Variants in MTMR10 observed in about 807,000 individuals in gnomAD.
The protein encoded by MTMR10 is myotubularin related protein 10.
Under a neutral mutation model 88.1 loss-of-function variants are expected in MTMR10, and 56 were observed. The observed-to-expected ratio is 0.64, with a 90% CI of 0.51 to 0.79. MTMR10 has a LOEUF of 0.79. Among genes scored for constraint, MTMR10 ranks in the 30% least tolerant of loss-of-function variants. MTMR10 has a pLI of 0.00. For missense variants in MTMR10, 883 were observed against 924.7 expected, an observed-to-expected ratio of 0.95 and a Z score of 0.58; for synonymous variants, 380 against 340.9, an observed-to-expected ratio of 1.11 and a Z score of -1.26.
intron 7 of MTMR10, 103 bp from the exon 8 acceptor site, chr15:30,959,224 T>C: frequency 9.7e-7 from 1 of 1,027,858 alleles, no homozygotes; most frequent in Admixed American, 2.5e-5. Flanking sequence ...GCATTTAATG[T>C]GCACCCCACT....
the MTMR10 span, chr15:30,929,526 GAT>G: frequency 3.0e-6 from 1 of 337,524 alleles, no homozygotes; most frequent in East Asian, 6.3e-5. Flanking sequence ...GCATATATAT[GAT>G]ATATAGTATA....
intron 2 of MTMR10, among the ~76,000 whole-genome samples, chr15:30,987,738 TG>T (rs2031037053): frequency 6.6e-6 from 1 of 152,030 alleles, no homozygotes; most frequent in South Asian, 2.1e-4. Context: ...TGTGCAGGTT[TG>T]TTACATAGGT....
intron 14 of MTMR10, among the ~76,000 whole-genome samples, chr15:30,944,547 T>C (rs377650966): frequency 1.5e-5 from 2 of 136,294 alleles, no homozygotes; most frequent in African/African-American, 2.8e-5. Context: ...GCCTGGGTGA[T>C]AGAGCAAGAC....
At position 30,941,698 on chromosome 15, in the gene MTMR10, G is replaced by T; in HGVS notation, c.2106C>A (p.Gly702=). 6.2e-7 allele frequency: 1 copy of T among 1,613,840 alleles called. No individual in the cohort carries two copies. The highest frequency in any genetic ancestry group is 2.2e-5 in the East Asian group (1 of 44,884). ...GCTCCCCATAGCAGGCCTCCAGGGG[G>T]CCACTGCGCTGTTGCCGCAGCATCC... ...LSRMLRQQRS[G]PLEACYGELG... is the part of the protein sequence containing the mutation. The change falls in exon 16 of 16, where the codon GGC becomes GGA. Residue 702 remains glycine, a synonymous_variant. Transcript: ENST00000435680.
intron 2 of MTMR10, among the ~76,000 whole-genome samples, chr15:30,981,667 A>G (rs1478787891): frequency 1.3e-5 from 2 of 152,220 alleles, no homozygotes; most frequent in Admixed American, 6.5e-5. Flanking sequence ...TTTTAAGTCA[A>G]TTTGATGATG....
chr15:30,919,529 A>G, the MTMR10 span, among the ~76,000 whole-genome samples: 6 of 151,856 alleles, frequency 4.0e-5, no homozygotes, highest in Non-Finnish European at 7.4e-5. Flanking sequence ...CGTCTCTACT[A>G]AAAATACAAA....
At position 30,940,414 on chromosome 15, in the gene MTMR10, T is replaced by A. The variant is rs55896057; in HGVS notation, c.*1056A>T. On this transcript the variant is annotated 3_prime_UTR_variant, in exon 16 of 16. Coordinates refer to ENST00000435680, the MANE Select transcript of MTMR10 (RefSeq NM_017762.3). ...AGTGTTTTGAGAGAATCCATTTTTT[T>A]ATTTCTCCTCTATTCCTAAGCATTA... The A allele has an allele frequency of 5.3e-3, 5,250 of 985,394 alleles. 210 individuals are homozygous for A. The African/African-American group carries it at 0.084, about 16-fold the overall frequency. The allele number at this position is 985,394 out of a possible 1,614,324, so 61.0% of individuals were successfully genotyped here.
rs2062984620 is a variant in MTMR10 at position 30,940,002 on chromosome 15, A to G, written c.*1468T>C. The G allele has an allele frequency of 2.0e-6, 2 of 976,842 alleles. No homozygotes were observed. Among genetic ancestry groups the G allele is most frequent in the South Asian group, 9.5e-5 (2 of 21,102 alleles). The allele number at this position is 976,842 out of a possible 1,614,324, so 60.5% of individuals were successfully genotyped here. On this transcript the variant is annotated 3_prime_UTR_variant, in exon 16 of 16. Coordinates refer to ENST00000435680, the MANE Select transcript of MTMR10 (RefSeq NM_017762.3). ...CAAATTTTAAAAGGCAAATAATTCA[A>G]AAAGAAACAGCTATTCAGTACATAT...
At chr15:30,944,343 G>A (rs551786203) in intron 14 of MTMR10, among the ~76,000 whole-genome samples, 29 of 152,206 alleles carry the variant, frequency 1.9e-4, no homozygotes, top group South Asian at 1.5e-3. Context: ...GAAGGCAGGC[G>A]GATCACGAGG....
downstream of MTMR10, among the ~76,000 whole-genome samples, chr15:30,934,098 G>A (rs1337207786): frequency 6.6e-6 from 1 of 152,116 alleles, no homozygotes; most frequent in East Asian, 1.9e-4. Context: ...TTGAAGGTCT[G>A]TTATAAGACG....
intron 5 of MTMR10, among the ~76,000 whole-genome samples, chr15:30,969,249 A>T (rs1419303639): frequency 6.6e-6 from 1 of 151,850 alleles, no homozygotes; most frequent in Non-Finnish European, 1.5e-5. Flanking sequence ...ATTTGTCATT[A>T]GTTTTGACCA....
In MTMR10 at chr15:30,943,404, A is replaced by G. The variant is rs528605191; in HGVS notation, c.1549-332T>C. ...TCTTAAACATGTTGAATTTATTTCT[A>G]TAATTACAGTATTTTACTTTTATGA... On this transcript the variant is annotated intron_variant, in intron 14 of 15. Transcript: ENST00000435680. 11 of 984,530 alleles carry G rather than the reference A, an allele frequency of 1.1e-5. No homozygotes were observed. In the South Asian group the frequency reaches 1.4e-4, roughly 13 times the overall value. The allele number at this position is 984,530 out of a possible 1,614,324, so 61.0% of individuals were successfully genotyped here.
chr15:30,984,972 G>GA (rs1244398676), intron 2 of MTMR10, among the ~76,000 whole-genome samples: 1 of 152,152 alleles, frequency 6.6e-6, no homozygotes, highest in African/African-American at 2.4e-5. Context: ...CCAGTGAACT[G>GA]AAACTGTCTA....
downstream of MTMR10, among the ~76,000 whole-genome samples, chr15:30,937,575 C>T (rs570096391): frequency 8.8e-4 from 134 of 151,588 alleles, no homozygotes; most frequent in Non-Finnish European, 1.8e-3. Flanking sequence ...CCTCAGGGTC[C>T]CCAGTAGCTG....
intron 3 of MTMR10, 132 bp downstream of exon 3, chr15:30,976,687 A>G: frequency 1.9e-6 from 2 of 1,039,744 alleles, no homozygotes; most frequent in Non-Finnish European, 1.3e-6. Context: ...AAATCTTAAT[A>G]TAATTTATCC....
At position 30,989,416 on chromosome 15, in the gene MTMR10, GT is replaced by G. The variant is rs1280006767; in HGVS notation, c.121+1360del. Among the ~76,000 whole-genome samples, 3 of 152,004 alleles carry G rather than the reference GT, an allele frequency of 2.0e-5. No homozygotes were observed. In the East Asian group the frequency reaches 5.8e-4, roughly 29 times the overall value. On this transcript the variant is annotated intron_variant, in intron 2 of 15. Transcript: ENST00000435680. ...TTTTAAACTTTCATATGGAACCAAA[GT>G]TTGGTGTTTTTAATATTTTGTCCCT...
At chr15:30,970,999 GAC>G (rs1331925226) in intron 5 of MTMR10, among the ~76,000 whole-genome samples, 4 of 151,966 alleles carry the variant, frequency 2.6e-5, no homozygotes, top group Admixed American at 1.3e-4. Context: ...GGCCTCTTTG[GAC>G]ACACAGACTA....
chr15:30,991,083 C>A (rs1566974572), intron 1 of MTMR10, among the ~76,000 whole-genome samples: 1 of 152,186 alleles, frequency 6.6e-6, no homozygotes, highest in Admixed American at 6.5e-5. Flanking sequence ...AGACGGGTAA[C>A]CGCCTCGACC....
rs2029892897 is a variant in MTMR10, at chr15:30,973,717, C to CA, written c.474+596dup. 1.3e-5 allele frequency among the ~76,000 whole-genome samples: 2 copies of CA among 152,084 alleles called. 1 individual carries two copies. The highest frequency in any genetic ancestry group is 4.1e-4 in the South Asian group (2 of 4,826). On this transcript the variant is annotated intron_variant, in intron 5 of 15. Coordinates refer to ENST00000435680, the MANE Select transcript of MTMR10 (RefSeq NM_017762.3). ...TACCAGCTTCACTCCTCTGGCAAAG[C>CA]AAAACATGGAAAACATGCCCTTGAC...
Sources: gnomAD v4.1 joint callset for allele counts (sites outside exome capture counted in the v4.1 genomes callset) on GRCh38, gnomAD v4.1.1 for gene constraint, MANE v1.5 for transcripts, NCBI Gene and HGNC (gene_info 2026-07-23, HGNC 2026-07-21) for gene names.